INTS4: variants seen among roughly 807,000 people sequenced by gnomAD.
INTS4 encodes the protein integrator complex subunit 4.
INTS4 carries 70 observed loss-of-function variants against 119.5 expected under a neutral mutation model. That is an observed-to-expected ratio of 0.59 (90% confidence interval 0.48 to 0.71). The LOEUF is 0.71. INTS4 is among the 30% of genes least tolerant of loss of function. INTS4 has a pLI of 0.00. For synonymous variants in INTS4, 316 were observed against 419.6 expected, an observed-to-expected ratio of 0.75 and a Z score of 3.02; for missense variants, 867 against 1,173.2, an observed-to-expected ratio of 0.74 and a Z score of 3.81.
At chr11:77,875,848 GC>G (rs1951579668), downstream of INTS4, among the ~76,000 whole-genome samples, 1 of 152,116 alleles carries the variant, frequency 6.6e-6, no homozygotes, top group African/African-American at 2.4e-5. Context: ...AGGTCCAAAG[GC>G]CTAGAGGTGA....
intron 1 of INTS4, among the ~76,000 whole-genome samples, chr11:77,991,517 T>C (rs1240431700): frequency 6.6e-6 from 1 of 152,146 alleles, no homozygotes; most frequent in African/African-American, 2.4e-5. Flanking sequence ...GTCATTTAAT[T>C]TCTCCGAGTC....
chr11:77,945,031 T>C (rs1043766653), intron 8 of INTS4, among the ~76,000 whole-genome samples: 7 of 152,134 alleles, frequency 4.6e-5, no homozygotes, highest in Non-Finnish European at 1.0e-4. Flanking sequence ...AAAATGACTG[T>C]AGATATATGC....
At chr11:77,887,173 A>G (rs1160381338) in intron 21 of INTS4, among the ~76,000 whole-genome samples, 3 of 152,250 alleles carry the variant, frequency 2.0e-5, no homozygotes, top group Admixed American at 2.0e-4. Flanking sequence ...AAAATCCTCA[A>G]TAAAATACTG....
intron 4 of INTS4, chr11:77,978,164 TTA>T (rs1820941548): frequency 6.6e-6 from 1 of 152,196 alleles, no homozygotes; most frequent in South Asian, 2.1e-4. Context: ...AGTGCTGGGA[TTA>T]TAGGTGTGAG....
At chr11:77,953,917 G>A (rs151001842) in intron 8 of INTS4, among the ~76,000 whole-genome samples, 1,244 of 125,524 alleles carry the variant, frequency 9.9e-3, no homozygotes, top group East Asian at 0.026. Flanking sequence ...GGGTTCAAGC[G>A]ATTCTCCTGT....
At chr11:77,876,556 T>C (rs2136335531), downstream of INTS4, among the ~76,000 whole-genome samples, 1 of 152,218 alleles carries the variant, frequency 6.6e-6, no homozygotes, top group African/African-American at 2.4e-5. Context: ...AGCAACAAAT[T>C]TGTCAGGAGC....
At position 77,893,898 on chromosome 11, in the gene INTS4, A is replaced by AATAAATAC. The variant is rs1296057213; in HGVS notation, c.2288+391_2288+392insGTATTTAT. Among the ~76,000 whole-genome samples the AATAAATAC allele has an allele frequency of 4.7e-5, 7 of 149,402 alleles. No individual in the cohort carries two copies. The East Asian group carries it at 1.2e-3, about 25-fold the overall frequency. On this transcript the variant is annotated intron_variant, in intron 19 of 22. Transcript: ENST00000534064. Reference sequence around the variant, plus strand: ...ACAGAGCAAGACTCTGTCTTAAATAAATAAATAAATAAATAAATAAATAAA... The same window carrying AATAAATAC: ...ACAGAGCAAGACTCTGTCTTAAATAAATAAATACATAAATAAATAAATAAATAAATAAA...
intron 19 of INTS4, among the ~76,000 whole-genome samples, chr11:77,892,560 TTTCAGA>T (rs1404652209): frequency 6.6e-6 from 1 of 152,188 alleles, no homozygotes; most frequent in Non-Finnish European, 1.5e-5. Flanking sequence ...CATGAACTTA[TTTCAGA>T]TTCAAAACTA....
intron 4 of INTS4, among the ~76,000 whole-genome samples, chr11:77,970,833 A>G (rs1444870323): frequency 6.6e-6 from 1 of 152,024 alleles, no homozygotes; most frequent in African/African-American, 2.4e-5. Context: ...GTTTTCAGAC[A>G]AGAGTCTTGC....
At chr11:77,981,348 C>T in intron 3 of INTS4, 111 bp downstream of exon 3, 1 of 460,570 alleles carries the variant, frequency 2.2e-6, no homozygotes, top group East Asian at 3.3e-5. Context: ...TTAAATTATC[C>T]TCAAATTCCT....
chr11:77,981,233 T>G (rs1856204891), intron 3 of INTS4, among the ~76,000 whole-genome samples: 1 of 148,276 alleles, frequency 6.7e-6, no homozygotes, highest in South Asian at 2.1e-4. Flanking sequence ...CTATATCATA[T>G]GTAAACTACC....
At chr11:77,919,174 AC>A (rs1469443101) in intron 14 of INTS4, among the ~76,000 whole-genome samples, 196 bp from the exon 15 acceptor site, 11 of 152,228 alleles carry the variant, frequency 7.2e-5, no homozygotes, top group African/African-American at 2.2e-4. Context: ...CAAAATGCAA[AC>A]ATGGTCTACC....
chr11:77,976,298 C>G (rs1855947533), intron 4 of INTS4, among the ~76,000 whole-genome samples: 2 of 152,102 alleles, frequency 1.3e-5, no homozygotes, highest in African/African-American at 2.4e-5. Flanking sequence ...GTATTAAGAG[C>G]CTTAGCTGGG....
chr11:77,889,301 A>T (rs1470145326), intron 21 of INTS4, among the ~76,000 whole-genome samples: 2 of 151,976 alleles, frequency 1.3e-5, no homozygotes, highest in Non-Finnish European at 2.9e-5. Flanking sequence ...CAAGGACAAA[A>T]AACCAAACAC....
intron 7 of INTS4, 120 bp from the exon 8 acceptor site, chr11:77,956,182 G>T: frequency 8.7e-7 from 1 of 1,148,136 alleles, no homozygotes; most frequent in Non-Finnish European, 1.2e-6. Flanking sequence ...GCCCAGGCAG[G>T]TAGATTGCTT....
chr11:77,879,817 G>A (rs1268523719), intron 22 of INTS4, among the ~76,000 whole-genome samples: 1 of 152,176 alleles, frequency 6.6e-6, no homozygotes, highest in Non-Finnish European at 1.5e-5. Context: ...AAGCCTGCAA[G>A]AAGTACTGAG....
chr11:77,979,529 T>C (rs1435132193), intron 3 of INTS4, among the ~76,000 whole-genome samples: 1 of 151,946 alleles, frequency 6.6e-6, no homozygotes, highest in East Asian at 1.9e-4. Flanking sequence ...TGTGTGATCC[T>C]TCATGCCCTC....
rs572735110 is a variant in INTS4, at chr11:77,886,149, T to C, written c.2593-2197A>G. Among the ~76,000 whole-genome samples the C allele has an allele frequency of 7.9e-5, 12 of 151,250 alleles. No individual in the cohort carries two copies. The South Asian group carries it at 2.5e-3, about 32-fold the overall frequency. ...TGGACACAGAAGTTTGAGGTCACAG[T>C]GAGCTGACCATGCCACTGCACTCCA... is the stretch of plus-strand genomic sequence containing the variant. On this transcript the variant is annotated intron_variant, in intron 21 of 22. Transcript: ENST00000534064.
At position 77,984,636 on chromosome 11, in the gene INTS4, A is replaced by T. The variant is rs140480812; in HGVS notation, c.247-3060T>A. Among the ~76,000 whole-genome samples, 439 of 152,274 alleles carry T rather than the reference A, an allele frequency of 2.9e-3. 1 individual carries two copies. Among genetic ancestry groups the T allele is most frequent in the African/African-American group, 0.01 (421 of 41,560 alleles). On this transcript the variant is annotated intron_variant, in intron 2 of 22. Coordinates refer to ENST00000534064, the MANE Select transcript of INTS4 (RefSeq NM_033547.4). ...GGAGATGGATGGTGGTGATGGCTGC[A>T]TAACAATATGAATGTACTTAACACA...
Sources: allele counts gnomAD v4.1 joint callset (sites outside exome capture counted in the v4.1 genomes callset), GRCh38; gene constraint gnomAD v4.1.1; transcripts MANE v1.5; gene names NCBI Gene and HGNC (gene_info 2026-07-23, HGNC 2026-07-21).